Variants in TRAPPC9 observed in about 807,000 individuals in gnomAD.
TRAPPC9 encodes trafficking protein particle complex subunit 9, also known as IKK2 binding protein.
TRAPPC9 carries 83 observed loss-of-function variants against 124.0 expected under a neutral mutation model. That is an observed-to-expected ratio of 0.67 (90% CI 0.56 to 0.80). TRAPPC9 has a LOEUF of 0.80. Ranked by LOEUF, TRAPPC9 falls within the 30% of genes least tolerant of loss-of-function variation. The pLI, the probability that TRAPPC9 is intolerant of heterozygous loss-of-function variation, is 0.00. For missense variants in TRAPPC9, 1,302 were observed against 1,508.3 expected (o/e 0.86, Z 2.27); for synonymous variants, 638 against 617.5 (o/e 1.03, Z -0.49).
intron 9 of TRAPPC9, among the ~76,000 whole-genome samples, chr8:140,324,067 C>T (rs945839615): frequency 6.6e-6 from 1 of 152,058 alleles, no homozygotes; most frequent in Admixed American, 6.6e-5. Context: ...CCCCGGAGTC[C>T]CCAAAGTCCG....
At chr8:139,905,758 T>G (rs895813087) in intron 20 of TRAPPC9, among the ~76,000 whole-genome samples, 1 of 151,974 alleles carries the variant, frequency 6.6e-6, no homozygotes, top group Non-Finnish European at 1.5e-5. Context: ...GTCATAATAA[T>G]AAGAATGATA....
intron 21 of TRAPPC9, among the ~76,000 whole-genome samples, chr8:139,835,857 T>C (rs1474572571): frequency 6.6e-6 from 1 of 152,000 alleles, no homozygotes; most frequent in African/African-American, 2.4e-5. Context: ...AGTGCAAGAA[T>C]CACCACCCCA....
chr8:139,979,059 G>A (rs1364176382), intron 19 of TRAPPC9, among the ~76,000 whole-genome samples: 4 of 152,226 alleles, frequency 2.6e-5, no homozygotes, highest in African/African-American at 4.8e-5. Context: ...CAACTGGGGC[G>A]CCGTGGTTGA....
intron 12 of TRAPPC9, among the ~76,000 whole-genome samples, chr8:140,289,817 T>A (rs62527543): frequency 0.13 from 19,116 of 152,252 alleles, 1,550 homozygotes; most frequent in African/African-American, 0.23. Flanking sequence ...CAAATCCTAC[T>A]GCAGGTCAGT....
intron 21 of TRAPPC9, among the ~76,000 whole-genome samples, chr8:139,749,415 G>A (rs945654372): frequency 2.6e-5 from 4 of 152,184 alleles, no homozygotes; most frequent in African/African-American, 9.7e-5. Context: ...GAGCCTCAGC[G>A]TCCCCATTGT....
At chr8:139,817,447 G>A (rs1403504469) in intron 21 of TRAPPC9, among the ~76,000 whole-genome samples, 1 of 152,142 alleles carries the variant, frequency 6.6e-6, no homozygotes, top group Non-Finnish European at 1.5e-5. Context: ...AGTGGCAAAG[G>A]AGCAGGATGA....
chr8:139,795,706 T>G (rs758298161), intron 21 of TRAPPC9, among the ~76,000 whole-genome samples: 1 of 152,010 alleles, frequency 6.6e-6, no homozygotes, highest in Non-Finnish European at 1.5e-5. Context: ...AGTACGCAAT[T>G]AAAGTGTTGG....
At chr8:140,371,909 A>T (rs2132245030) in intron 7 of TRAPPC9, among the ~76,000 whole-genome samples, 1 of 152,132 alleles carries the variant, frequency 6.6e-6, no homozygotes, top group Middle Eastern at 3.4e-3. Context: ...CACCATGTTA[A>T]CCAGGCTGGT....
rs1356714034 is a variant in TRAPPC9 at position 140,240,019 on chromosome 8, G to A, written c.2431+12758C>T. ...CAAGTTATGAAAGTGAATATAATGC[G>A]TTCAAGAGCGATGGCTCTCGAATAA... On this transcript the variant is annotated intron_variant, in intron 16 of 22. Coordinates refer to ENST00000438773, the MANE Select transcript of TRAPPC9 (RefSeq NM_001160372.4). 3.9e-5 allele frequency among the ~76,000 whole-genome samples: 6 copies of A among 152,192 alleles called. No individual in the cohort carries two copies. In the South Asian group the frequency reaches 6.2e-4, roughly 16 times the overall value.
chr8:140,221,373 G>C, intron 17 of TRAPPC9, 86 bp downstream of exon 17: 1 of 1,578,496 alleles, frequency 6.3e-7, no homozygotes, highest in Non-Finnish European at 8.7e-7. Context: ...TTTCCTTTCT[G>C]AAAAGGACTC....
rs1351581492 is a variant in TRAPPC9 at position 140,117,805 on chromosome 8, A to ATTT, written c.2557-93727_2557-93726insAAA. ...TCACTGAGCAGCAAAAGTAAGCTTG[A>ATTT]TGTTTTTTTCTCTTAAAGAGAATTT... On this transcript the variant is annotated intron_variant, in intron 17 of 22. Coordinates refer to ENST00000438773, the MANE Select transcript of TRAPPC9 (RefSeq NM_001160372.4). Among the ~76,000 whole-genome samples, 132 of 152,338 alleles carry ATTT rather than the reference A, an allele frequency of 8.7e-4. 1 individual carries two copies. The highest frequency in any genetic ancestry group is 1.6e-3 in the Non-Finnish European group (110 of 68,028).
chr8:140,071,122 A>C (rs4736018), intron 17 of TRAPPC9, among the ~76,000 whole-genome samples: 111,583 of 152,166 alleles, frequency 0.73, 41,732 homozygotes, highest in African/African-American at 0.89. Flanking sequence ...GAAATGGAGG[A>C]TCAGATCATG....
chr8:139,883,879 T>C (rs991279841), intron 21 of TRAPPC9, among the ~76,000 whole-genome samples: 7 of 152,102 alleles, frequency 4.6e-5, no homozygotes, highest in Admixed American at 3.3e-4. Flanking sequence ...AGTCTCCCTG[T>C]TTGTAAATGA....
At chr8:140,051,576 CT>C (rs1197128988) in intron 17 of TRAPPC9, among the ~76,000 whole-genome samples, 6,590 of 88,070 alleles carry the variant, frequency 0.075, 58 homozygotes, top group Admixed American at 0.093. Context: ...ATTGTTCATT[CT>C]TTTTTTTTTT....
Position 140,400,341 on chromosome 8 carries a change from C to A in TRAPPC9, c.1009-2596G>T, listed in dbSNP as rs117116598. Among the ~76,000 whole-genome samples the A allele has an allele frequency of 6.7e-4, 102 of 152,302 alleles. No homozygotes were observed. The East Asian group carries it at 0.013, about 20-fold the overall frequency. Reference sequence around the variant, plus strand: ...TATGCATTCATTAAAATAATATGACCACAGTAGCTTGCTATTTTGCAAAAT... The same window carrying A: ...TATGCATTCATTAAAATAATATGACAACAGTAGCTTGCTATTTTGCAAAAT... On this transcript the variant is annotated intron_variant, in intron 6 of 22. Transcript: ENST00000438773.
At chr8:140,272,137 G>GATGGTGATGGTC (rs2064934822) in intron 15 of TRAPPC9, among the ~76,000 whole-genome samples, 1 of 150,938 alleles carries the variant, frequency 6.6e-6, no homozygotes, top group African/African-American at 2.4e-5. Flanking sequence ...TGGCGATGGT[G>GATGGTGATGGTC]ATGGTGATGG....
At chr8:140,267,434 G>A (rs1222541433) in intron 15 of TRAPPC9, among the ~76,000 whole-genome samples, 1 of 152,224 alleles carries the variant, frequency 6.6e-6, no homozygotes, top group Non-Finnish European at 1.5e-5. Flanking sequence ...ACCCTATGCA[G>A]CGGGTAAGAG....
chr8:140,161,311 G>A (rs536041265), intron 17 of TRAPPC9, among the ~76,000 whole-genome samples: 5 of 152,276 alleles, frequency 3.3e-5, no homozygotes, highest in East Asian at 1.9e-4. Flanking sequence ...CCCGGATGAC[G>A]CAGCTAGCGT....
chr8:140,326,223 A>G (rs1196719923), intron 9 of TRAPPC9, among the ~76,000 whole-genome samples: 3 of 129,540 alleles, frequency 2.3e-5, no homozygotes, highest in East Asian at 2.1e-4. Flanking sequence ...CGTCTCTACT[A>G]AAAAAAAAAA....
Sources: allele counts gnomAD v4.1 joint callset (sites outside exome capture counted in the v4.1 genomes callset), GRCh38; gene constraint gnomAD v4.1.1; transcripts MANE v1.5; gene names NCBI Gene and HGNC (gene_info 2026-07-23, HGNC 2026-07-21).